The following OTOGL variants were observed in gnomAD, a reference collection of about 807,000 sequenced individuals.
The protein encoded by OTOGL is otogelin-like protein.
A neutral mutation model predicts 318.5 loss-of-function variants in OTOGL; 285 were observed. That is an observed-to-expected ratio of 0.89 (90% CI 0.81 to 0.99). OTOGL has a LOEUF of 0.99. Ranked by LOEUF, OTOGL falls within the 50% of genes least tolerant of loss-of-function variation. The pLI, the probability that OTOGL is intolerant of heterozygous loss-of-function variation, is 0.00. For synonymous variants in OTOGL, 987 were observed against 936.5 expected (o/e 1.05, Z -0.99); for missense variants, 2,899 against 2,845.6 (o/e 1.02, Z -0.43).
rs115544100 is a variant in OTOGL, at chr12:80,232,402, G to A, written c.612-490G>A. Among the ~76,000 whole-genome samples the A allele has an allele frequency of 9.5e-3, 1,441 of 152,124 alleles. 25 individuals are homozygous for A. Among genetic ancestry groups the A allele is most frequent in the African/African-American group, 0.032 (1,347 of 41,502 alleles). ...GAAACTCATATTTCCTTATAGCCAC[G>A]TTTAAAATAAAATTAAACAAAATCA... is the stretch of plus-strand genomic sequence containing the variant. On this transcript the variant is annotated intron_variant, in intron 8 of 58. Coordinates refer to ENST00000547103, the MANE Select transcript of OTOGL (RefSeq NM_001378609.3).
At chr12:80,301,675 AC>A (rs74803939) in intron 27 of OTOGL, among the ~76,000 whole-genome samples, 4,350 of 152,012 alleles carry the variant, frequency 0.029, 151 homozygotes, top group Admixed American at 0.098. Flanking sequence ...GTTCACACCC[AC>A]CCCTTGCAAG....
At chr12:80,266,722 CT>C in intron 21 of OTOGL, 106 bp downstream of exon 21, 1 of 1,125,804 alleles carries the variant, frequency 8.9e-7, no homozygotes, top group Non-Finnish European at 1.2e-6. Context: ...TTCTTATTGT[CT>C]TTACTTTTTT....
chr12:80,171,745 G>A (rs1277086952), intron 1 of OTOGL, among the ~76,000 whole-genome samples: 1 of 151,882 alleles, frequency 6.6e-6, no homozygotes, highest in Admixed American at 6.6e-5. Flanking sequence ...GATCAATTTG[G>A]GGAGAATTGA....
chr12:80,380,085 T>G lies in OTOGL; in HGVS notation c.*2037T>G, dbSNP rs1383811234. ...TGGGACAACTGAATGGTTACGTAGA[T>G]AAAGAAAAATTTGAATTCATACATC... On this transcript the variant is annotated 3_prime_UTR_variant, in exon 59 of 59. Transcript: ENST00000547103. 6.6e-6 allele frequency: 1 copy of G among 152,012 alleles called. No individual in the cohort carries two copies. The allele number at this position is 152,012 out of a possible 1,614,324, so 9.4% of individuals were successfully genotyped here.
At chr12:80,224,471 T>C (rs1259139901) in intron 7 of OTOGL, among the ~76,000 whole-genome samples, 1 of 152,156 alleles carries the variant, frequency 6.6e-6, no homozygotes, top group Non-Finnish European at 1.5e-5. Flanking sequence ...GGTATTTTCA[T>C]GGGAATTGCA....
intron 1 of OTOGL, among the ~76,000 whole-genome samples, chr12:80,171,782 C>T (rs1874221052): frequency 1.3e-5 from 2 of 152,060 alleles, no homozygotes; most frequent in Admixed American, 1.3e-4. Flanking sequence ...AGTTTCTAGT[C>T]CATGAACACT....
intron 37 of OTOGL, among the ~76,000 whole-genome samples, chr12:80,332,321 A>G (rs553267910): frequency 6.6e-6 from 1 of 152,332 alleles, no homozygotes; most frequent in African/African-American, 2.4e-5. Context: ...TAATGAGGTT[A>G]TTTTTAAACA....
At chr12:80,335,529 A>G (rs973440274) in intron 38 of OTOGL, among the ~76,000 whole-genome samples, 3 of 152,130 alleles carry the variant, frequency 2.0e-5, no homozygotes, top group African/African-American at 7.2e-5. Context: ...TGTGAAACTG[A>G]TGTTATATAT....
At chr12:80,174,766 G>A (rs1311394287) in intron 1 of OTOGL, among the ~76,000 whole-genome samples, 2 of 152,112 alleles carry the variant, frequency 1.3e-5, no homozygotes, top group African/African-American at 4.8e-5. Flanking sequence ...CAGAAGAAAA[G>A]GCACCTCACC....
At chr12:80,338,815 A>G (rs769580371) in intron 42 of OTOGL, among the ~76,000 whole-genome samples, 8 of 152,096 alleles carry the variant, frequency 5.3e-5, no homozygotes, top group Non-Finnish European at 1.0e-4. Context: ...ATAGAAGTGT[A>G]CATAACATAG....
intron 16 of OTOGL, 125 bp from the exon 17 acceptor site, chr12:80,256,212 T>C: frequency 2.6e-6 from 3 of 1,171,462 alleles, no homozygotes; most frequent in Non-Finnish European, 2.3e-6. Context: ...ATGCACTCTC[T>C]TTCTTTTTTG....
chr12:80,157,663 C>T (rs1465084369), intron 1 of OTOGL, among the ~76,000 whole-genome samples: 1 of 152,144 alleles, frequency 6.6e-6, no homozygotes, highest in East Asian at 1.9e-4. Context: ...GTTTTCCCAG[C>T]ACCATTTATT....
intron 52 of OTOGL, among the ~76,000 whole-genome samples, chr12:80,361,398 G>A (rs940086659): frequency 6.6e-6 from 1 of 151,786 alleles, no homozygotes; most frequent in African/African-American, 2.4e-5. Flanking sequence ...GGACACTTGG[G>A]TTGATTCCAT....
At chr12:80,229,208 A>C in intron 7 of OTOGL, 49 bp from the exon 8 acceptor site, 1 of 1,559,654 alleles carries the variant, frequency 6.4e-7, no homozygotes, top group Non-Finnish European at 8.7e-7. Context: ...TTAATAACTC[A>C]GATTTATTGT....
intron 1 of OTOGL, among the ~76,000 whole-genome samples, chr12:80,127,217 G>A (rs1441805315): frequency 6.6e-6 from 1 of 152,144 alleles, no homozygotes. Context: ...TCCTTCAGGA[G>A]CTCTTTTAGG....
chr12:80,311,806 A>G (rs1273315287), intron 30 of OTOGL, among the ~76,000 whole-genome samples: 2 of 152,214 alleles, frequency 1.3e-5, no homozygotes, highest in African/African-American at 4.8e-5. Context: ...GGAAAATTAG[A>G]GTTTTGTAAA....
intron 43 of OTOGL, among the ~76,000 whole-genome samples, chr12:80,341,630 T>C (rs893340966): frequency 6.6e-6 from 1 of 152,196 alleles, no homozygotes; most frequent in Non-Finnish European, 1.5e-5. Flanking sequence ...AGTTAGAAGA[T>C]GGTGGTAGTA....
intron 1 of OTOGL, among the ~76,000 whole-genome samples, chr12:80,143,697 G>A (rs536531835): frequency 1.1e-4 from 16 of 152,222 alleles, no homozygotes; most frequent in African/African-American, 3.6e-4. Context: ...GACGTTTGAC[G>A]CAGGTCTGTC....
chr12:80,368,819 AT>A (rs35591526), intron 55 of OTOGL, among the ~76,000 whole-genome samples: 13,714 of 146,912 alleles, frequency 0.093, 696 homozygotes, highest in East Asian at 0.16. Context: ...GACAACTACT[AT>A]TTTTTTTTTT....
Sources: gnomAD v4.1 joint callset for allele counts (sites outside exome capture counted in the v4.1 genomes callset) on GRCh38, gnomAD v4.1.1 for gene constraint, MANE v1.5 for transcripts, NCBI Gene and HGNC (gene_info 2026-07-23, HGNC 2026-07-21) for gene names.